The following ARHGEF26 variants were observed in gnomAD, a reference collection of about 807,000 sequenced individuals.
ARHGEF26 encodes Rho guanine nucleotide exchange factor (GEF) 26.
A neutral mutation model predicts 89.4 loss-of-function variants in ARHGEF26; 59 were observed. The ratio of observed to expected loss-of-function variants is 0.66; its 90% CI spans 0.54 to 0.82. ARHGEF26 has a LOEUF of 0.82. Among genes scored for constraint, ARHGEF26 ranks in the 40% least tolerant of loss-of-function variants. The pLI is 0.00. For synonymous variants in ARHGEF26, 500 were observed against 428.4 expected (o/e 1.17, Z -2.06); for missense variants, 1,234 against 1,085.6 (o/e 1.14, Z -1.92).
At position 154,132,956 on chromosome 3, in the gene ARHGEF26, C is replaced by T. The variant is rs141900215; in HGVS notation, c.1269+3237C>T. Among the ~76,000 whole-genome samples, 47 of 152,178 alleles carry T rather than the reference C, an allele frequency of 3.1e-4. No homozygotes were observed. In the East Asian group the frequency reaches 7.3e-3, roughly 24 times the overall value. On this transcript the variant is annotated intron_variant, in intron 4 of 14. Coordinates refer to ENST00000465093, the MANE Select transcript of ARHGEF26 (RefSeq NM_015595.4). ...TCTGGCAGTGGGTTAGGTCTCAGTTCGGCATATACCTTCACTTCCTGCTAA... is the reference window on the plus strand; with the variant it reads ...TCTGGCAGTGGGTTAGGTCTCAGTTTGGCATATACCTTCACTTCCTGCTAA...
intron 4 of ARHGEF26, among the ~76,000 whole-genome samples, chr3:154,132,954 T>C (rs1458141207): frequency 6.6e-6 from 1 of 152,158 alleles, no homozygotes; most frequent in African/African-American, 2.4e-5. Context: ...TAGGTCTCAG[T>C]TCGGCATATA....
In ARHGEF26 at chr3:154,122,390, T is replaced by C. The variant is rs769461595; in HGVS notation, c.398T>C (p.Val133Ala). The change falls in exon 2 of 15, where the codon GTG (valine) becomes GCG (alanine). Residue 133 changes from valine to alanine, a missense_variant. Transcript: ENST00000465093. ...CCGAAATCCCCAGCAAATGGCGCGG[T>C]GACCTTGCCTGCGCCGCCGCCGCCG... ...GSPKSPANGA[V>A]TLPAPPPPPV... The C allele has an allele frequency of 1.2e-6, 2 of 1,611,010 alleles. No homozygotes were observed. Among genetic ancestry groups the C allele is most frequent in the Non-Finnish European group, 1.7e-6 (2 of 1,179,090 alleles).
chr3:154,257,114 A>T lies in ARHGEF26; in HGVS notation c.*1641A>T. 9.1e-7 allele frequency: 1 copy of T among 1,097,936 alleles called. No individual in the cohort carries two copies. Among genetic ancestry groups the T allele is most frequent in the Non-Finnish European group, 1.2e-6 (1 of 807,684 alleles). The allele number at this position is 1,097,936 out of a possible 1,614,324, so 68.0% of individuals were successfully genotyped here. ...AGCTACAGAAGCCCAGTTGAGGGGTAAGTGTGCCTGGCTCACACAGCCTGC... is the reference window on the plus strand; with the variant it reads ...AGCTACAGAAGCCCAGTTGAGGGGTTAGTGTGCCTGGCTCACACAGCCTGC... On this transcript the variant is annotated 3_prime_UTR_variant, in exon 15 of 15. Transcript: ENST00000465093.
chr3:154,181,403 G>C (rs1713175381), intron 6 of ARHGEF26, among the ~76,000 whole-genome samples: 1 of 152,194 alleles, frequency 6.6e-6, no homozygotes, highest in Non-Finnish European at 1.5e-5. Flanking sequence ...TAGATTGACA[G>C]CTCATTTAAG....
intron 6 of ARHGEF26, among the ~76,000 whole-genome samples, chr3:154,168,258 G>A (rs1291246476): frequency 6.6e-6 from 1 of 151,826 alleles, no homozygotes; most frequent in East Asian, 1.9e-4. Flanking sequence ...TGTGTTTTTA[G>A]TATGTTATAT....
rs1553743954 is a variant in ARHGEF26 at position 154,186,165 on chromosome 3, A to ACC, written c.1488-1517_1488-1516dup. Among the ~76,000 whole-genome samples the ACC allele has an allele frequency of 9.7e-3, 1,458 of 150,252 alleles. 16 individuals carry two copies. The highest frequency in any genetic ancestry group is 0.034 in the African/African-American group (1,373 of 40,722). On this transcript the variant is annotated intron_variant, in intron 6 of 14. Coordinates refer to ENST00000465093, the MANE Select transcript of ARHGEF26 (RefSeq NM_015595.4). ...CACACACACACACACACACACACAC[A>ACC]CCCCTATACACATACTATTGTACAG...
chr3:154,167,476 GT>G (rs1712117966), intron 6 of ARHGEF26, among the ~76,000 whole-genome samples: 1 of 152,096 alleles, frequency 6.6e-6, no homozygotes. Context: ...TTTATCAGAT[GT>G]TTTAATTCAA....
At chr3:154,234,667 C>T (rs1177427682) in intron 11 of ARHGEF26, among the ~76,000 whole-genome samples, 1 of 152,202 alleles carries the variant, frequency 6.6e-6, no homozygotes, top group African/African-American at 2.4e-5. Flanking sequence ...CTCGCAAACC[C>T]ACTATTCTGC....
Position 154,124,454 on chromosome 3 carries a change from G to A in ARHGEF26, c.1123+5G>A. The stretch of plus-strand genomic sequence containing the variant: ...AAGGAACATTTGATGGGGAAGGTAA[G>A]CATTTAATTTTCCAAACTTTCATTG... On this transcript the variant is annotated splice_donor_5th_base_variant and intron_variant, in intron 3 of 14. Transcript: ENST00000465093. 2 of 1,536,474 alleles carry A rather than the reference G, an allele frequency of 1.3e-6. No homozygotes were observed. Among genetic ancestry groups the A allele is most frequent in the Non-Finnish European group, 1.7e-6 (2 of 1,149,854 alleles).
At chr3:154,219,573 C>A (rs1715985408) in intron 10 of ARHGEF26, among the ~76,000 whole-genome samples, 1 of 146,196 alleles carries the variant, frequency 6.8e-6, no homozygotes. Flanking sequence ...CCAGCCTGGG[C>A]AAAAGAGCAA....
At chr3:154,124,471 C>G (rs750294042) in intron 3 of ARHGEF26, 22 bp downstream of exon 3, 9 of 1,484,128 alleles carry the variant, frequency 6.1e-6, no homozygotes, top group Admixed American at 5.2e-5. Flanking sequence ...ATTTTCCAAA[C>G]TTTCATTGCT....
intron 4 of ARHGEF26, among the ~76,000 whole-genome samples, chr3:154,138,364 G>GT (rs1290144061): frequency 2.6e-5 from 4 of 151,986 alleles, no homozygotes; most frequent in African/African-American, 9.7e-5. Context: ...TTTCCATGTT[G>GT]TTAATATCAC....
intron 6 of ARHGEF26, among the ~76,000 whole-genome samples, chr3:154,178,275 C>T (rs1712955360): frequency 6.6e-6 from 1 of 151,814 alleles, no homozygotes; most frequent in South Asian, 2.1e-4. Context: ...TACAAATAAC[C>T]CATTAAAATT....
chr3:154,185,476 C>T (rs1713466711), intron 6 of ARHGEF26, among the ~76,000 whole-genome samples: 1 of 152,076 alleles, frequency 6.6e-6, no homozygotes, highest in Non-Finnish European at 1.5e-5. Flanking sequence ...TCTACAATTT[C>T]TGCTTTATTA....
In ARHGEF26 at chr3:154,256,423, A is replaced by C. The variant is rs775061078; in HGVS notation, c.*950A>C. 7 of 779,706 alleles carry C rather than the reference A, an allele frequency of 9.0e-6. No homozygotes were observed. Among genetic ancestry groups the C allele is most frequent in the Admixed American group, 6.3e-5 (1 of 15,956 alleles). The allele number at this position is 779,706 out of a possible 1,614,324, so 48.3% of individuals were successfully genotyped here. The stretch of plus-strand genomic sequence containing the variant: ...TTTTTAGTAGAGACAGGGTTTCATC[A>C]TGTTGGCCAGGATGGTCTCTTAACT... On this transcript the variant is annotated 3_prime_UTR_variant, in exon 15 of 15. Transcript: ENST00000465093.
intron 11 of ARHGEF26, among the ~76,000 whole-genome samples, chr3:154,227,271 A>T: frequency 6.6e-6 from 1 of 151,184 alleles, no homozygotes; most frequent in Admixed American, 6.6e-5. Context: ...TAGTCTAAAT[A>T]GTTCTAGCAG....
At chr3:154,162,475 A>G (rs1325588527) in intron 6 of ARHGEF26, among the ~76,000 whole-genome samples, 1 of 152,188 alleles carries the variant, frequency 6.6e-6, no homozygotes, top group Non-Finnish European at 1.5e-5. Context: ...TTAATCCTTA[A>G]TAGCATGCTG....
At chr3:154,179,289 A>G (rs550623508) in intron 6 of ARHGEF26, among the ~76,000 whole-genome samples, 11 of 152,316 alleles carry the variant, frequency 7.2e-5, no homozygotes, top group African/African-American at 1.9e-4. Flanking sequence ...AAGTTCACCA[A>G]CACATTGGCT....
intron 6 of ARHGEF26, among the ~76,000 whole-genome samples, chr3:154,181,680 T>G (rs1020477642): frequency 7.9e-5 from 12 of 152,144 alleles, no homozygotes; most frequent in African/African-American, 2.9e-4. Context: ...GAAACTCAGA[T>G]TGGACTGGGT....
Sources: allele counts gnomAD v4.1 joint callset (sites outside exome capture counted in the v4.1 genomes callset), GRCh38; gene constraint gnomAD v4.1.1; transcripts MANE v1.5; gene names NCBI Gene and HGNC (gene_info 2026-07-23, HGNC 2026-07-21).